AKAP6: variants seen among roughly 807,000 people sequenced by gnomAD.
AKAP6 encodes A-kinase anchor protein 6.
In AKAP6, 58 loss-of-function variants were observed where a neutral mutation model predicts 188.5. The observed-to-expected ratio is 0.31, with a 90% confidence interval of 0.25 to 0.38. The LOEUF (loss-of-function observed/expected upper bound fraction) is 0.38, where lower values mean the gene tolerates loss of function less well. AKAP6 is among the 10% of genes least tolerant of loss of function. AKAP6 has a pLI of 1.00. For missense variants in AKAP6, 2,710 were observed against 2,740.0 expected (o/e 0.99, Z 0.24); for synonymous variants, 989 against 998.6 (o/e 0.99, Z 0.18).
intron 4 of AKAP6, among the ~76,000 whole-genome samples, chr14:32,549,101 A>G (rs1042751154): frequency 2.6e-5 from 4 of 152,340 alleles, no homozygotes; most frequent in Non-Finnish European, 5.9e-5. Flanking sequence ...ACATATATCA[A>G]GTATTCGTGT....
At chr14:32,434,505 C>T (rs969020309) in intron 2 of AKAP6, among the ~76,000 whole-genome samples, 1 of 152,192 alleles carries the variant, frequency 6.6e-6, no homozygotes, top group Non-Finnish European at 1.5e-5. Context: ...GCCATAGTCA[C>T]TCCTCTCTCC....
chr14:32,507,764 AT>A (rs546269052), intron 2 of AKAP6, among the ~76,000 whole-genome samples: 58 of 152,338 alleles, frequency 3.8e-4, no homozygotes, highest in African/African-American at 1.4e-3. Flanking sequence ...CTTGAAAAAT[AT>A]TTGATCGAGC....
intron 12 of AKAP6, among the ~76,000 whole-genome samples, chr14:32,807,161 C>T (rs550510746): frequency 3.2e-4 from 49 of 151,852 alleles, no homozygotes; most frequent in Non-Finnish European, 5.4e-4. Flanking sequence ...ACCTGGGCAA[C>T]GTAGTGAGAC....
At chr14:32,752,234 A>G (rs1594910983) in intron 11 of AKAP6, among the ~76,000 whole-genome samples, 1 of 152,224 alleles carries the variant, frequency 6.6e-6, no homozygotes, top group Non-Finnish European at 1.5e-5. Flanking sequence ...ATATTGAAGC[A>G]TAGGGTAAAC....
intron 7 of AKAP6, among the ~76,000 whole-genome samples, chr14:32,642,042 T>C (rs1041429211): frequency 2.0e-5 from 3 of 152,168 alleles, no homozygotes; most frequent in Non-Finnish European, 2.9e-5. Context: ...AAATGATTAA[T>C]ATAGTCTTCT....
chr14:32,432,761 A>G (rs1890262521), intron 1 of AKAP6, among the ~76,000 whole-genome samples: 2 of 152,196 alleles, frequency 1.3e-5, no homozygotes, highest in Non-Finnish European at 2.9e-5. Flanking sequence ...ATGTTTGAAT[A>G]TTTCTAGTAG....
chr14:32,384,849 A>T (rs1412902623), intron 1 of AKAP6, among the ~76,000 whole-genome samples: 1 of 152,074 alleles, frequency 6.6e-6, no homozygotes, highest in African/African-American at 2.4e-5. Context: ...AGGGGTGGGG[A>T]GAGATTAAAA....
chr14:32,712,351 C>T (rs1179746073), intron 9 of AKAP6, among the ~76,000 whole-genome samples: 2 of 151,902 alleles, frequency 1.3e-5, no homozygotes, highest in South Asian at 2.1e-4. Flanking sequence ...TGATGGCTAC[C>T]GACTAATCTG....
chr14:32,718,180 C>A, intron 9 of AKAP6: 1 of 557,076 alleles, frequency 1.8e-6, no homozygotes, highest in Non-Finnish European at 2.3e-6. Flanking sequence ...AGTCACTTAG[C>A]TTCTATGTAT....
intron 11 of AKAP6, among the ~76,000 whole-genome samples, chr14:32,746,322 T>C (rs1594904818): frequency 6.6e-6 from 1 of 152,314 alleles, no homozygotes; most frequent in South Asian, 2.1e-4. Context: ...CAAGGCCCTC[T>C]ACATAGTACC....
intron 12 of AKAP6, among the ~76,000 whole-genome samples, chr14:32,813,874 AT>A (rs71115099): frequency 0.021 from 2,940 of 142,536 alleles, 76 homozygotes; most frequent in African/African-American, 0.067. Flanking sequence ...AAGTGATAGG[AT>A]TTTTTTTTTT....
intron 12 of AKAP6, among the ~76,000 whole-genome samples, chr14:32,811,154 G>A (rs1029174713): frequency 1.3e-5 from 2 of 150,518 alleles, no homozygotes; most frequent in African/African-American, 4.9e-5. Flanking sequence ...CAGGAGAATG[G>A]CATGAACCCG....
chr14:32,427,007 C>A (rs1308394295), intron 1 of AKAP6, among the ~76,000 whole-genome samples: 2 of 151,982 alleles, frequency 1.3e-5, no homozygotes, highest in Non-Finnish European at 2.9e-5. Context: ...ATGTAATCAC[C>A]CATCTGCCGA....
chr14:32,653,803 C>T (rs936264185), intron 7 of AKAP6, among the ~76,000 whole-genome samples: 5 of 152,162 alleles, frequency 3.3e-5, no homozygotes, highest in African/African-American at 1.2e-4. Flanking sequence ...GTTAGTAAAA[C>T]TAGGGCAAAT....
intron 11 of AKAP6, among the ~76,000 whole-genome samples, chr14:32,761,172 TA>T (rs1014873543): frequency 6.6e-5 from 10 of 152,206 alleles, no homozygotes; most frequent in Admixed American, 5.9e-4. Flanking sequence ...CACAGAGGAG[TA>T]AATGAATAAA....
At chr14:32,524,474 T>C (rs1021062403) in intron 2 of AKAP6, among the ~76,000 whole-genome samples, 5 of 152,020 alleles carry the variant, frequency 3.3e-5, no homozygotes, top group African/African-American at 1.2e-4. Context: ...TACATATATA[T>C]TACATACATA....
chr14:32,807,273 C>T (rs950108111), intron 12 of AKAP6, among the ~76,000 whole-genome samples: 2 of 150,334 alleles, frequency 1.3e-5, no homozygotes, highest in Admixed American at 1.3e-4. Context: ...CTGTAGTAAA[C>T]TATGACTGCA....
chr14:32,804,139 T>C (rs900639622), intron 12 of AKAP6, among the ~76,000 whole-genome samples: 1 of 152,242 alleles, frequency 6.6e-6, no homozygotes, highest in African/African-American at 2.4e-5. Flanking sequence ...TAAATGTTAG[T>C]TGTTATTCTT....
At chr14:32,480,508 C>A (rs1362743699) in intron 2 of AKAP6, among the ~76,000 whole-genome samples, 1 of 152,148 alleles carries the variant, frequency 6.6e-6, no homozygotes, top group Non-Finnish European at 1.5e-5. Flanking sequence ...TGTTGAATTT[C>A]TTACTGTAAT....
Sources: allele counts gnomAD v4.1 joint callset (sites outside exome capture counted in the v4.1 genomes callset), GRCh38; gene constraint gnomAD v4.1.1; transcripts MANE v1.5; gene names NCBI Gene and HGNC (gene_info 2026-07-23, HGNC 2026-07-21).